GET4: variants seen among roughly 807,000 people sequenced by gnomAD.
The protein encoded by GET4 is Golgi to ER traffic protein 4 homolog.
A neutral mutation model predicts 40.0 loss-of-function variants in GET4; 20 were observed. The observed-to-expected ratio is 0.50, with a 90% CI of 0.35 to 0.73. The LOEUF is 0.73. Among genes scored for constraint, GET4 ranks in the 30% least tolerant of loss-of-function variants. GET4 has a pLI of 0.01. For missense variants in GET4, 557 were observed against 454.0 expected (o/e 1.23, Z -2.06); for synonymous variants, 280 against 194.6 (o/e 1.44, Z -3.65).
Position 892,399 on chromosome 7 carries a change from C to G in GET4, c.727C>G (p.Leu243Val). 1 of 1,589,814 alleles carries G rather than the reference C, an allele frequency of 6.3e-7. No homozygotes were observed. ...VEPLLNFIWF[L>V]LLAVDGGKLT... ...GCCGCTGCTTAACTTCATCTGGTTC[C>G]TGCTGCTGGCTGTGGACGGGTGCGT... Residue 243 changes from leucine to valine, a missense_variant, in exon 6 of 9, where the codon CTG becomes GTG. Transcript: ENST00000265857.
At chr7:888,037 G>A (rs1015759762) in intron 4 of GET4, among the ~76,000 whole-genome samples, 94 of 152,164 alleles carry the variant, frequency 6.2e-4, no homozygotes, top group African/African-American at 2.2e-3. Flanking sequence ...AGGTGCTAAT[G>A]GGGGTTTAGA....
Position 892,338 on chromosome 7 carries a change from GCACCCGTC to G in GET4, c.669_676del (p.Pro224ArgfsTer12). 1 of 1,596,550 alleles carries G rather than the reference GCACCCGTC, an allele frequency of 6.3e-7. No homozygotes were observed. The highest frequency in any genetic ancestry group is 8.6e-7 in the Non-Finnish European group (1 of 1,165,168). ...TGGTCTTCACGACGTACACCCAGAA[GCACCCGTC>G]CATCGAGGACGGGCCTCCGTTTGTG... is the stretch of plus-strand genomic sequence containing the variant. On this transcript the variant is annotated frameshift_variant, in exon 6 of 9. Transcript: ENST00000265857. LOFTEE classifies it high-confidence loss of function.
chr7:891,303 C>A (rs367646526), intron 5 of GET4, among the ~76,000 whole-genome samples: 1 of 152,268 alleles, frequency 6.6e-6, no homozygotes, highest in Non-Finnish European at 1.5e-5. Flanking sequence ...GCCCTACACA[C>A]GCCCCTCGCC....
chr7:885,898 A>G lies in GET4; in HGVS notation c.156-158A>G, dbSNP rs1844177620. 6.3e-6 allele frequency: 4 copies of G among 630,060 alleles called. No individual in the cohort carries two copies. The East Asian group carries it at 1.1e-4, about 17-fold the overall frequency. 39.0% of individuals were successfully genotyped at this position (630,060 alleles called of 1,614,324 possible). ...TCATGGTCAGCAGGACACCCAGGAT[A>G]GACCCCCTCCACGCAGCACCTGGGC... On this transcript the variant is annotated intron_variant, in intron 1 of 8. Coordinates refer to ENST00000265857, the MANE Select transcript of GET4 (RefSeq NM_015949.3).
At chr7:878,182 G>T in intron 1 of GET4, 1 of 455,606 alleles carries the variant, frequency 2.2e-6, no homozygotes, top group South Asian at 1.6e-5. Flanking sequence ...AGCAGAGCTG[G>T]CTATGCTGGG....
chr7:891,783 C>A (rs947553705), intron 5 of GET4, among the ~76,000 whole-genome samples: 3 of 152,278 alleles, frequency 2.0e-5, no homozygotes, highest in African/African-American at 7.2e-5. Flanking sequence ...AAGTGAAAAG[C>A]TGGGTCAAAC....
In GET4 at chr7:895,770, T is replaced by C. The variant is rs1359546538; in HGVS notation, c.*348T>C. ...CACAGGAGGCCCGTCCTCGGGGGGCTGCGCACATCACGCTCCTTGCCGGGC... is the reference window on the plus strand; with the variant it reads ...CACAGGAGGCCCGTCCTCGGGGGGCCGCGCACATCACGCTCCTTGCCGGGC... On this transcript the variant is annotated 3_prime_UTR_variant, in exon 9 of 9. Coordinates refer to ENST00000265857, the MANE Select transcript of GET4 (RefSeq NM_015949.3). The C allele has an allele frequency of 5.7e-6, 1 of 174,704 alleles. No individual in the cohort carries two copies. Among genetic ancestry groups the C allele is most frequent in the African/African-American group, 2.4e-5 (1 of 42,248 alleles). The allele number at this position is 174,704 out of a possible 1,614,324, so 10.8% of individuals were successfully genotyped here. A position where few individuals can be genotyped will look rare whatever the true frequency, so the allele number is the denominator to read the frequency against.
At chr7:884,979 A>G (rs114383171) in intron 1 of GET4, 5,508 of 152,342 alleles carry the variant, frequency 0.036, 330 homozygotes, top group African/African-American at 0.13. Flanking sequence ...ACAGGGTCTC[A>G]CTATGTTGCT....
At chr7:883,051 G>A (rs537637053) in intron 1 of GET4, 4 of 152,180 alleles carry the variant, frequency 2.6e-5, no homozygotes, top group African/African-American at 9.6e-5. Context: ...AAAGGAAAAC[G>A]GTCTAGTGTG....
chr7:881,920 T>C (rs965950672), intron 1 of GET4: 5 of 152,218 alleles, frequency 3.3e-5, no homozygotes, highest in Non-Finnish European at 5.9e-5. Flanking sequence ...AGTGGGGAAG[T>C]GTAGTGCCCG....
At position 877,202 on chromosome 7, in the gene GET4, G is replaced by GCTCT. The variant is rs145879127; in HGVS notation, c.155+419_155+422dup. Among the ~76,000 whole-genome samples, 424 of 130,622 alleles carry GCTCT rather than the reference G, an allele frequency of 3.2e-3. 2 individuals are homozygous for GCTCT. The highest frequency in any genetic ancestry group is 0.012 in the African/African-American group (406 of 32,552). 85.7% of individuals were successfully genotyped at this position (130,622 alleles called of 152,430 possible). A position where few individuals can be genotyped will look rare whatever the true frequency, so the allele number is the denominator to read the frequency against. On this transcript the variant is annotated intron_variant, in intron 1 of 8. Transcript: ENST00000265857. ...GCCTCCCCCGCCCCACCTTGGTCTC[G>GCTCT]CTCTCTCTCTCTCTCTCTCTGGCCT...
intron 2 of GET4, 94 bp downstream of exon 2, chr7:886,228 G>C: frequency 3.6e-6 from 3 of 839,972 alleles, no homozygotes; most frequent in Non-Finnish European, 6.1e-6. Context: ...GGGCAACCTT[G>C]CGCTGCCCTG....
chr7:893,711 C>T (rs1156851778), intron 6 of GET4, 29 bp from the exon 7 acceptor site: 2 of 1,497,710 alleles, frequency 1.3e-6, no homozygotes, highest in South Asian at 1.2e-5. Flanking sequence ...TCTGCTCACC[C>T]AGCACATCCC....
At chr7:878,338 T>C (rs1262009528) in intron 1 of GET4, 1 of 471,170 alleles carries the variant, frequency 2.1e-6, no homozygotes, top group Admixed American at 2.3e-5. Context: ...GTGTGTGGCA[T>C]TCTGTAAATT....
intron 6 of GET4, among the ~76,000 whole-genome samples, chr7:893,405 C>G (rs1214694021): frequency 1.9e-5 from 1 of 52,666 alleles, no homozygotes; most frequent in African/African-American, 7.8e-5. Context: ...GGCGTGGGCG[C>G]GGTGGTGTGT....
intron 1 of GET4, among the ~76,000 whole-genome samples, chr7:878,483 C>A (rs1002954634): frequency 4.6e-5 from 7 of 151,876 alleles, no homozygotes; most frequent in African/African-American, 1.5e-4. Context: ...GCCACAGGGC[C>A]GTGAATGTTT....
chr7:886,763 G>T (rs1844196833), intron 3 of GET4, 113 bp downstream of exon 3: 2 of 742,928 alleles, frequency 2.7e-6, no homozygotes, highest in Non-Finnish European at 2.4e-6. Flanking sequence ...TGTGCTGTGG[G>T]GTGAACTCTG....
chr7:894,292 C>T (rs1331282387), intron 8 of GET4, among the ~76,000 whole-genome samples: 2 of 152,176 alleles, frequency 1.3e-5, no homozygotes, highest in Non-Finnish European at 1.5e-5. Flanking sequence ...CTCCGTGAGC[C>T]TGGTGTGCCC....
rs1562900462 is a variant in GET4 at position 896,166 on chromosome 7, G to A, written c.*744G>A. The stretch of plus-strand genomic sequence containing the variant: ...AACGCAATATTTATTTGTATTGGGT[G>A]ATGATTGATTCTTTCGACCTAACAT... On this transcript the variant is annotated 3_prime_UTR_variant, in exon 9 of 9. Transcript: ENST00000265857. 1 of 152,218 alleles carries A rather than the reference G, an allele frequency of 6.6e-6. No homozygotes were observed. Among genetic ancestry groups the A allele is most frequent in the Non-Finnish European group, 1.5e-5 (1 of 68,048 alleles). 9.4% of individuals were successfully genotyped at this position (152,218 alleles called of 1,614,324 possible).
Sources: allele counts gnomAD v4.1 joint callset (sites outside exome capture counted in the v4.1 genomes callset), GRCh38; gene constraint gnomAD v4.1.1; transcripts MANE v1.5; gene names NCBI Gene and HGNC (gene_info 2026-07-23, HGNC 2026-07-21).